KCNIP4: variants seen among roughly 807,000 people sequenced by gnomAD.
KCNIP4 encodes Kv channel-interacting protein 4.
In KCNIP4, 12 loss-of-function variants were observed where a neutral mutation model predicts 34.0. That is an observed-to-expected ratio of 0.35 (90% CI 0.23 to 0.57). The LOEUF (loss-of-function observed/expected upper bound fraction) is 0.57. Ranked by LOEUF, KCNIP4 falls within the 20% of genes least tolerant of loss-of-function variation. The pLI is 0.83. For missense variants in KCNIP4, 238 were observed against 311.7 expected (o/e 0.76, Z 1.78); for synonymous variants, 124 against 102.2 (o/e 1.21, Z -1.29).
At chr4:21,903,221 G>A (rs963079745) in intron 1 of KCNIP4, among the ~76,000 whole-genome samples, 2 of 152,096 alleles carry the variant, frequency 1.3e-5, no homozygotes, top group African/African-American at 4.8e-5. Flanking sequence ...TATTCCTTCT[G>A]AAGCCATCTT....
At chr4:21,402,438 T>C (rs1039929647) in intron 1 of KCNIP4, among the ~76,000 whole-genome samples, 7 of 152,190 alleles carry the variant, frequency 4.6e-5, no homozygotes, top group Non-Finnish European at 1.0e-4. Flanking sequence ...CATCCTGGAC[T>C]TCTGTTCATA....
chr4:21,738,682 T>C (rs1464854582), intron 1 of KCNIP4, among the ~76,000 whole-genome samples: 1 of 152,182 alleles, frequency 6.6e-6, no homozygotes, highest in Non-Finnish European at 1.5e-5. Flanking sequence ...CATCCATTCT[T>C]TATGGCCAGT....
intron 1 of KCNIP4, among the ~76,000 whole-genome samples, chr4:21,727,948 C>G (rs2109105862): frequency 6.6e-6 from 1 of 152,256 alleles, no homozygotes; most frequent in East Asian, 1.9e-4. Context: ...AATAAACAGG[C>G]CAGGCATTTC....
intron 1 of KCNIP4, among the ~76,000 whole-genome samples, chr4:21,019,128 G>T (rs922702152): frequency 6.6e-6 from 1 of 152,050 alleles, no homozygotes. Flanking sequence ...CCCTCTGTGT[G>T]TATCTCTGTC....
chr4:21,700,989 T>C (rs918073975), intron 1 of KCNIP4, among the ~76,000 whole-genome samples: 4 of 152,260 alleles, frequency 2.6e-5, no homozygotes, highest in Admixed American at 2.6e-4. Context: ...ATAGCCAAGA[T>C]ACAGAAGCAA....
At chr4:21,016,709 T>G (rs1577540571) in intron 1 of KCNIP4, among the ~76,000 whole-genome samples, 1 of 152,026 alleles carries the variant, frequency 6.6e-6, no homozygotes, top group Admixed American at 6.6e-5. Flanking sequence ...GCCTTCTGGG[T>G]TCAAGCAATT....
At chr4:21,604,964 T>C (rs145857334) in intron 1 of KCNIP4, among the ~76,000 whole-genome samples, 82 of 152,326 alleles carry the variant, frequency 5.4e-4, no homozygotes, top group Non-Finnish European at 9.3e-4. Flanking sequence ...AAATGGACAG[T>C]TAGTCTAGTG....
intron 1 of KCNIP4, among the ~76,000 whole-genome samples, chr4:21,454,364 A>C (rs2109752969): frequency 6.6e-6 from 1 of 152,074 alleles, no homozygotes; most frequent in South Asian, 2.1e-4. Context: ...TGTTTAACTC[A>C]CTCTCTAAGA....
In KCNIP4 at chr4:20,961,227, A is replaced by G. The variant is rs142049319; in HGVS notation, c.62-78518T>C. Among the ~76,000 whole-genome samples the G allele has an allele frequency of 8.7e-3, 1,320 of 152,316 alleles. 17 individuals carry two copies. The highest frequency in any genetic ancestry group is 0.03 in the African/African-American group (1,265 of 41,574). On this transcript the variant is annotated intron_variant, in intron 1 of 8. Coordinates refer to ENST00000382152, the MANE Select transcript of KCNIP4 (RefSeq NM_025221.6). ...ATCACAAAATGTGAAAGAACAAATTACTTTTATTTTTGGATTACTTAACAA... is the reference window on the plus strand; with the variant it reads ...ATCACAAAATGTGAAAGAACAAATTGCTTTTATTTTTGGATTACTTAACAA...
At chr4:20,742,656 A>C (rs967716114) in intron 5 of KCNIP4, among the ~76,000 whole-genome samples, 2 of 152,190 alleles carry the variant, frequency 1.3e-5, no homozygotes, top group Non-Finnish European at 2.9e-5. Flanking sequence ...AACTGGCACA[A>C]GACAGGGATG....
chr4:21,376,928 T>C (rs914828824), intron 1 of KCNIP4, among the ~76,000 whole-genome samples: 2 of 152,236 alleles, frequency 1.3e-5, no homozygotes, highest in Non-Finnish European at 2.9e-5. Context: ...AACTACTGCT[T>C]GTTTTGTGTC....
At chr4:21,637,234 A>G (rs1041009164) in intron 1 of KCNIP4, among the ~76,000 whole-genome samples, 5 of 152,156 alleles carry the variant, frequency 3.3e-5, no homozygotes, top group Non-Finnish European at 7.3e-5. Context: ...CAGGTCGGGT[A>G]TCATTATTTT....
chr4:21,426,548 T>G (rs1478441366), intron 1 of KCNIP4, among the ~76,000 whole-genome samples: 1 of 152,200 alleles, frequency 6.6e-6, no homozygotes, highest in African/African-American at 2.4e-5. Context: ...TTTTGTGGTT[T>G]TTTTATTCTT....
chr4:21,400,488 C>CTCTCCTCTCCTCTCCTCTTT (rs945392438), intron 1 of KCNIP4, among the ~76,000 whole-genome samples: 2 of 120,074 alleles, frequency 1.7e-5, no homozygotes, highest in South Asian at 2.8e-4. Flanking sequence ...CTCTCCTCTC[C>CTCTCCTCTCCTCTCCTCTTT]TCTCCCCTCC....
At chr4:21,383,245 G>A (rs1721686979) in intron 1 of KCNIP4, among the ~76,000 whole-genome samples, 1 of 152,084 alleles carries the variant, frequency 6.6e-6, no homozygotes, top group Non-Finnish European at 1.5e-5. Context: ...TGGTGTTTAT[G>A]CCACACAGTC....
At chr4:21,945,696 T>C (rs1409727315) in intron 1 of KCNIP4, among the ~76,000 whole-genome samples, 2 of 152,098 alleles carry the variant, frequency 1.3e-5, no homozygotes. Flanking sequence ...GTTTTTTTTT[T>C]CCTCTGACCT....
chr4:21,046,911 AT>A (rs1206180399), intron 1 of KCNIP4, among the ~76,000 whole-genome samples: 1 of 152,174 alleles, frequency 6.6e-6, no homozygotes, highest in Non-Finnish European at 1.5e-5. Context: ...GCTAATTTAT[AT>A]ACTTTTATTA....
chr4:21,342,073 A>T (rs1716812171), intron 1 of KCNIP4, among the ~76,000 whole-genome samples: 1 of 152,184 alleles, frequency 6.6e-6, no homozygotes. Context: ...CAATGACAAC[A>T]GACCTAAGTG....
At chr4:21,940,430 TG>T (rs1730139290) in intron 1 of KCNIP4, among the ~76,000 whole-genome samples, 1 of 152,216 alleles carries the variant, frequency 6.6e-6, no homozygotes, top group Non-Finnish European at 1.5e-5. Context: ...AACTCTGTTA[TG>T]AGAATGAATA....
Sources: gnomAD v4.1 joint callset for allele counts (sites outside exome capture counted in the v4.1 genomes callset) on GRCh38, gnomAD v4.1.1 for gene constraint, MANE v1.5 for transcripts, NCBI Gene and HGNC (gene_info 2026-07-23, HGNC 2026-07-21) for gene names.